HOOK1: variants seen among roughly 807,000 people sequenced by gnomAD.
HOOK1 encodes hook microtubule tethering protein 1.
A neutral mutation model predicts 112.8 loss-of-function variants in HOOK1; 60 were observed. The ratio of observed to expected loss-of-function variants is 0.53; its 90% CI spans 0.43 to 0.66. The LOEUF (loss-of-function observed/expected upper bound fraction) is 0.66, where lower values mean the gene tolerates loss of function less well. HOOK1 is among the 30% of genes least tolerant of loss of function. The pLI, the probability that HOOK1 is intolerant of heterozygous loss-of-function variation, is 0.00. For synonymous variants in HOOK1, 294 were observed against 283.8 expected (o/e 1.04, Z -0.36); for missense variants, 770 against 856.0 (o/e 0.90, Z 1.25).
chr1:59,824,900 C>T (rs1008466170), intron 2 of HOOK1, among the ~76,000 whole-genome samples: 6 of 152,218 alleles, frequency 3.9e-5, no homozygotes, highest in Admixed American at 3.9e-4. Context: ...CAAAGTGCCA[C>T]AGACCAGGTG....
At chr1:59,858,331 C>A in intron 12 of HOOK1, 97 bp from the exon 13 acceptor site, 1 of 790,866 alleles carries the variant, frequency 1.3e-6, no homozygotes, top group Non-Finnish European at 2.2e-6. Context: ...TAAAATTAAG[C>A]AACAATTATT....
rs1290409146 is a variant in HOOK1 at position 59,873,729 on chromosome 1, A to C, written c.*764A>C. On this transcript the variant is annotated 3_prime_UTR_variant, in exon 22 of 22. Coordinates refer to ENST00000371208, the MANE Select transcript of HOOK1 (RefSeq NM_015888.6). ...GACTTTCTGATGGAAAGCAAGCTATATATATATATATATATATATATATAT... is the reference window on the plus strand; with the variant it reads ...GACTTTCTGATGGAAAGCAAGCTATCTATATATATATATATATATATATAT... 2.5e-5 allele frequency: 3 copies of C among 118,778 alleles called. No individual in the cohort carries two copies. The highest frequency in any genetic ancestry group is 3.6e-5 in the African/African-American group (1 of 27,526). The allele number at this position is 118,778 out of a possible 1,614,324, so 7.4% of individuals were successfully genotyped here.
rs183961696 is a variant in HOOK1, at chr1:59,823,148, A to G, written c.149+1205A>G. On this transcript the variant is annotated intron_variant, in intron 2 of 21. Transcript: ENST00000371208. ...ATCCTGGCTAACATGGTGAAACCCC[A>G]TCTCTACTAAAAATACAAAAAATTA... 4.2e-3 allele frequency among the ~76,000 whole-genome samples: 635 copies of G among 152,220 alleles called. 1 individual carries two copies. Among genetic ancestry groups the G allele is most frequent in the Non-Finnish European group, 5.3e-3 (360 of 67,994 alleles).
Position 59,849,159 on chromosome 1 carries a change from T to A in HOOK1, c.1218T>A (p.His406Gln), listed in dbSNP as rs752792991. The A allele has an allele frequency of 3.1e-6, 5 of 1,607,680 alleles. No individual in the cohort carries two copies. The highest frequency in any genetic ancestry group is 4.3e-6 in the Non-Finnish European group (5 of 1,175,340). ...AFEMKRLEEK[H>Q]EALLKEKERL... ...AAATGAAGCGGCTTGAAGAAAAACA[T>A]GAAGCTTTACTTAAGGAAAAAGAGG... is the stretch of plus-strand genomic sequence containing the variant. Residue 406 changes from histidine to glutamine, a missense_variant, in exon 12 of 22, where the codon CAT (histidine) becomes CAA (glutamine). By Grantham distance (24) the His-to-Gln change is conservative. Transcript: ENST00000371208.
intron 21 of HOOK1, 134 bp downstream of exon 21, chr1:59,871,244 GA>G: frequency 1.7e-6 from 1 of 575,808 alleles, no homozygotes; most frequent in Non-Finnish European, 3.1e-6. Context: ...GTATATGACT[GA>G]AACAAAAGTT....
intron 12 of HOOK1, among the ~76,000 whole-genome samples, chr1:59,854,241 G>A (rs924927702): frequency 1.7e-4 from 25 of 150,192 alleles, no homozygotes; most frequent in Admixed American, 5.3e-4. Context: ...TAATAGAGAC[G>A]GGGTTTCACC....
At chr1:59,856,557 T>C (rs2098410889) in intron 12 of HOOK1, among the ~76,000 whole-genome samples, 1 of 152,092 alleles carries the variant, frequency 6.6e-6, no homozygotes, top group Admixed American at 6.6e-5. Context: ...TAAAATAATA[T>C]AAAATTTCAA....
chr1:59,853,897 T>G (rs1038810705), intron 12 of HOOK1, among the ~76,000 whole-genome samples: 7 of 149,630 alleles, frequency 4.7e-5, no homozygotes, highest in African/African-American at 1.7e-4. Context: ...TGTTACATCT[T>G]TATAGATTAT....
chr1:59,872,229 T>C (rs1644066155), intron 21 of HOOK1, among the ~76,000 whole-genome samples: 1 of 152,214 alleles, frequency 6.6e-6, no homozygotes, highest in African/African-American at 2.4e-5. Flanking sequence ...AATATGGTAA[T>C]TTATCAGGTA....
At chr1:59,864,789 T>G (rs1193015733) in intron 17 of HOOK1, 123 bp downstream of exon 17, 1 of 669,998 alleles carries the variant, frequency 1.5e-6, no homozygotes, top group East Asian at 2.7e-5. Context: ...TTGATACACC[T>G]GCTGCAAAAG....
At chr1:59,853,522 G>C (rs751233471) in intron 12 of HOOK1, among the ~76,000 whole-genome samples, 8 of 151,782 alleles carry the variant, frequency 5.3e-5, no homozygotes, top group Non-Finnish European at 1.2e-4. Context: ...CATTTACTTG[G>C]ATCATTTTTA....
intron 19 of HOOK1, among the ~76,000 whole-genome samples, chr1:59,867,143 G>C (rs1330539408): frequency 2.0e-5 from 3 of 152,154 alleles, no homozygotes; most frequent in Non-Finnish European, 4.4e-5. Flanking sequence ...TTTGGGGCAA[G>C]AGGTTTAAAT....
chr1:59,869,701 G>C (rs973854743), intron 20 of HOOK1, among the ~76,000 whole-genome samples: 1 of 152,080 alleles, frequency 6.6e-6, no homozygotes, highest in Non-Finnish European at 1.5e-5. Flanking sequence ...ACACCAACCC[G>C]ATACGCCCTT....
At chr1:59,829,260 G>A (rs2098392134) in intron 3 of HOOK1, among the ~76,000 whole-genome samples, 1 of 152,028 alleles carries the variant, frequency 6.6e-6, no homozygotes, top group Non-Finnish European at 1.5e-5. Flanking sequence ...TTGCTAAGCA[G>A]TATTTCATTA....
intron 1 of HOOK1, among the ~76,000 whole-genome samples, chr1:59,817,966 T>G (rs1051380565): frequency 6.6e-6 from 1 of 152,220 alleles, no homozygotes; most frequent in African/African-American, 2.4e-5. Flanking sequence ...GTGGTGATAG[T>G]AAATATCATT....
chr1:59,862,179 A>T (rs1311103066), intron 15 of HOOK1, among the ~76,000 whole-genome samples: 4 of 152,184 alleles, frequency 2.6e-5, no homozygotes, highest in African/African-American at 9.7e-5. Flanking sequence ...GCAACAGTGG[A>T]ATATTATAGC....
At chr1:59,835,191 T>A (rs188409040) in intron 5 of HOOK1, among the ~76,000 whole-genome samples, 154 bp from the exon 6 acceptor site, 52 of 152,324 alleles carry the variant, frequency 3.4e-4, no homozygotes, top group Admixed American at 2.7e-3. Flanking sequence ...CAGTTTATCT[T>A]GGTGAGGAAG....
At position 59,862,854 on chromosome 1, in the gene HOOK1, G is replaced by A. The variant is rs2102068412; in HGVS notation, c.1603G>A (p.Gly535Ser). 1 of 1,608,598 alleles carries A rather than the reference G, an allele frequency of 6.2e-7. No individual in the cohort carries two copies. Among genetic ancestry groups the A allele is most frequent in the Non-Finnish European group, 8.5e-7 (1 of 1,175,148 alleles). Residue 535 changes from glycine to serine, a missense_variant, in exon 16 of 22, where the codon GGT (glycine) becomes AGT (serine). Transcript: ENST00000371208. ...CCTCCAGAAATCTTTACAGGAACAAGGTTCCAAGTCTGAAGGCGAAAGTGT... is the reference window on the plus strand; with the variant it reads ...CCTCCAGAAATCTTTACAGGAACAAAGTTCCAAGTCTGAAGGCGAAAGTGT... The part of the protein sequence containing the change: ...EDLQKSLQEQ[G>S]SKSEGESSSK...
intron 2 of HOOK1, among the ~76,000 whole-genome samples, chr1:59,823,028 A>T (rs1047883197): frequency 2.6e-5 from 4 of 152,092 alleles, no homozygotes; most frequent in African/African-American, 9.7e-5. Context: ...ATATTTCTTA[A>T]ATGTTTGATT....
Sources: allele counts gnomAD v4.1 joint callset (sites outside exome capture counted in the v4.1 genomes callset), GRCh38; gene constraint gnomAD v4.1.1; transcripts MANE v1.5; gene names NCBI Gene and HGNC (gene_info 2026-07-23, HGNC 2026-07-21).